ST3GAL3: variants seen among roughly 807,000 people sequenced by gnomAD.
ST3GAL3 encodes ST3 beta-galactoside alpha-2,3-sialyltransferase 3.
A neutral mutation model predicts 50.1 loss-of-function variants in ST3GAL3; 21 were observed. The observed-to-expected ratio is 0.42, with a 90% CI of 0.30 to 0.60. ST3GAL3 has a LOEUF of 0.60. Among genes scored for constraint, ST3GAL3 ranks in the 20% least tolerant of loss-of-function variants. The pLI is 0.19. For missense variants in ST3GAL3, 353 were observed against 489.4 expected (o/e 0.72, Z 2.63); for synonymous variants, 183 against 190.0 (o/e 0.96, Z 0.30).
intron 2 of ST3GAL3, among the ~76,000 whole-genome samples, chr1:43,781,076 A>T (rs947839953): frequency 6.6e-6 from 1 of 152,100 alleles, no homozygotes; most frequent in Non-Finnish European, 1.5e-5. Flanking sequence ...TTTTCCCACT[A>T]CCAGCACAGG....
intron 5 of ST3GAL3, among the ~76,000 whole-genome samples, chr1:43,856,329 C>T (rs1394879094): frequency 1.3e-5 from 2 of 152,178 alleles, no homozygotes; most frequent in Non-Finnish European, 2.9e-5. Flanking sequence ...ACGACAACCC[C>T]GTGAAGTAAG....
intron 11 of ST3GAL3, 156 bp from the exon 12 acceptor site, chr1:43,929,976 C>G: frequency 1.3e-6 from 1 of 771,136 alleles, no homozygotes; most frequent in Non-Finnish European, 2.4e-6. Context: ...GCAGGGTCAT[C>G]ATTACCGTGT....
At chr1:43,847,239 C>T (rs1167694806) in intron 5 of ST3GAL3, among the ~76,000 whole-genome samples, 3 of 152,192 alleles carry the variant, frequency 2.0e-5, no homozygotes, top group Non-Finnish European at 4.4e-5. Flanking sequence ...AAACAGGATG[C>T]AGTTCCTAAA....
intron 2 of ST3GAL3, among the ~76,000 whole-genome samples, chr1:43,789,567 A>G (rs1054353207): frequency 1.3e-5 from 2 of 152,178 alleles, no homozygotes; most frequent in African/African-American, 2.4e-5. Flanking sequence ...AATGTGAGAA[A>G]TGCTGATAAA....
intron 3 of ST3GAL3, among the ~76,000 whole-genome samples, chr1:43,795,567 T>G (rs1000357195): frequency 1.3e-5 from 2 of 152,162 alleles, no homozygotes; most frequent in Non-Finnish European, 2.9e-5. Flanking sequence ...ACTTTACTGT[T>G]TTATTTGGAG....
chr1:43,738,801 G>A (rs1462084842), intron 2 of ST3GAL3: 1 of 152,100 alleles, frequency 6.6e-6, no homozygotes, highest in Non-Finnish European at 1.5e-5. Flanking sequence ...CCCGGCCGGA[G>A]AGGAGTCCTT....
intron 5 of ST3GAL3, among the ~76,000 whole-genome samples, chr1:43,886,255 C>T (rs1030993522): frequency 6.6e-6 from 1 of 152,176 alleles, no homozygotes; most frequent in Admixed American, 6.6e-5. Context: ...GTGGTGCACA[C>T]CTGTAGTTCC....
intron 4 of ST3GAL3, among the ~76,000 whole-genome samples, chr1:43,826,846 TATAATC>T (rs1235253721): frequency 3.3e-5 from 5 of 152,168 alleles, no homozygotes; most frequent in Admixed American, 2.6e-4. Context: ...AGAAAAATCA[TATAATC>T]ATATCCATAG....
intron 2 of ST3GAL3, among the ~76,000 whole-genome samples, chr1:43,761,649 A>G (rs1690372911): frequency 6.6e-6 from 1 of 152,084 alleles, no homozygotes; most frequent in Admixed American, 6.6e-5. Context: ...AAAAACTTTC[A>G]TTAAAAAAAA....
In ST3GAL3 at chr1:43,930,558, G is replaced by A. The variant is rs1406515380; in HGVS notation, c.*337G>A. 1 of 425,790 alleles carries A rather than the reference G, an allele frequency of 2.3e-6. No homozygotes were observed. Among genetic ancestry groups the A allele is most frequent in the African/African-American group, 2.0e-5 (1 of 49,600 alleles). 26.4% of individuals were successfully genotyped at this position (425,790 alleles called of 1,614,324 possible). On this transcript the variant is annotated 3_prime_UTR_variant, in exon 12 of 12. Coordinates refer to ENST00000347631, the MANE Select transcript of ST3GAL3 (RefSeq NM_006279.5). ...TGGTGTATTATCATTTTGTGAATTT[G>A]GGTAGGGGGGAGGGTAGGGATAATT...
intron 2 of ST3GAL3, among the ~76,000 whole-genome samples, chr1:43,755,713 A>G (rs901654860): frequency 2.0e-5 from 3 of 152,268 alleles, no homozygotes; most frequent in Non-Finnish European, 4.4e-5. Flanking sequence ...AAAAGGAAGC[A>G]GAAACACAGT....
At chr1:43,755,635 T>C (rs1297349318) in intron 2 of ST3GAL3, among the ~76,000 whole-genome samples, 1 of 152,170 alleles carries the variant, frequency 6.6e-6, no homozygotes, top group African/African-American at 2.4e-5. Context: ...GATATGCAGT[T>C]GTTAGAAATA....
chr1:43,850,531 G>T, intron 5 of ST3GAL3: 1 of 675,748 alleles, frequency 1.5e-6, no homozygotes. Context: ...GTCAGTGCTG[G>T]GTTCCCCAGC....
intron 4 of ST3GAL3, among the ~76,000 whole-genome samples, chr1:43,832,175 C>T (rs944509420): frequency 6.6e-6 from 1 of 152,192 alleles, no homozygotes; most frequent in Non-Finnish European, 1.5e-5. Context: ...GAGCATCCCT[C>T]CAGCTAAGAG....
chr1:43,922,062 TCTA>T (rs141194085), intron 11 of ST3GAL3: 8,298 of 244,178 alleles, frequency 0.034, 645 homozygotes, highest in African/African-American at 0.17. Flanking sequence ...TCAATTCTGA[TCTA>T]CGCCTTAAAA....
At chr1:43,751,339 A>C (rs1034437574) in intron 2 of ST3GAL3, among the ~76,000 whole-genome samples, 15 of 152,228 alleles carry the variant, frequency 9.9e-5, no homozygotes, top group Admixed American at 3.9e-4. Flanking sequence ...TGTATTCAAA[A>C]GTATAAATAT....
intron 3 of ST3GAL3, among the ~76,000 whole-genome samples, chr1:43,808,001 G>A (rs764285099): frequency 1.1e-4 from 17 of 152,184 alleles, no homozygotes; most frequent in Non-Finnish European, 2.2e-4. Context: ...GGAAGCAGCT[G>A]GATATACACA....
chr1:43,882,483 G>T (rs1454747007), intron 5 of ST3GAL3, among the ~76,000 whole-genome samples: 2 of 152,264 alleles, frequency 1.3e-5, no homozygotes, highest in East Asian at 3.9e-4. Flanking sequence ...AAAGGAAATT[G>T]TATTAGTTTA....
At chr1:43,765,809 GTC>G (rs1692665222) in intron 2 of ST3GAL3, among the ~76,000 whole-genome samples, 1 of 145,014 alleles carries the variant, frequency 6.9e-6, no homozygotes, top group Non-Finnish European at 1.5e-5. Flanking sequence ...GCGTCCGCGC[GTC>G]CGCGTGCGCT....
Sources: gnomAD v4.1 joint callset for allele counts (sites outside exome capture counted in the v4.1 genomes callset) on GRCh38, gnomAD v4.1.1 for gene constraint, MANE v1.5 for transcripts, NCBI Gene and HGNC (gene_info 2026-07-23, HGNC 2026-07-21) for gene names.